The following TMEM237 variants were observed in gnomAD, a reference collection of about 807,000 sequenced individuals.
TMEM237 encodes amyotrophic lateral sclerosis 2 (juvenile) chromosome region, candidate 4.
TMEM237 carries 51 observed loss-of-function variants against 59.1 expected under a neutral mutation model. The observed-to-expected ratio is 0.86, with a 90% CI of 0.69 to 1.09. The LOEUF (loss-of-function observed/expected upper bound fraction) is 1.09, where lower values mean the gene tolerates loss of function less well. Ranked by LOEUF, TMEM237 falls within the 50% of genes least tolerant of loss-of-function variation. The pLI is 0.00. For synonymous variants in TMEM237, 140 were observed against 166.1 expected, an observed-to-expected ratio of 0.84 and a Z score of 1.21; for missense variants, 475 against 478.3, an observed-to-expected ratio of 0.99 and a Z score of 0.06.
In TMEM237 at chr2:201,642,762, G is replaced by T; in HGVS notation, c.42+597C>A. ...GCTAGTACCCCGCGCGCAGCGCCCTGCGGGGATGTTGCGGTGAGAGGCGTG... is the reference window on the plus strand; with the variant it reads ...GCTAGTACCCCGCGCGCAGCGCCCTTCGGGGATGTTGCGGTGAGAGGCGTG... On this transcript the variant is annotated intron_variant, in intron 1 of 12. Coordinates refer to ENST00000409883, the MANE Select transcript of TMEM237 (RefSeq NM_001044385.3). 3 of 1,445,912 alleles carry T rather than the reference G, an allele frequency of 2.1e-6. No homozygotes were observed. The South Asian group carries it at 4.5e-5, about 21-fold the overall frequency. The allele number at this position is 1,445,912 out of a possible 1,614,324, so 89.6% of individuals were successfully genotyped here. A position where few individuals can be genotyped will look rare whatever the true frequency, so the allele number is the denominator to read the frequency against.
At chr2:201,631,840 C>T (rs1957810575) in intron 7 of TMEM237, among the ~76,000 whole-genome samples, 1 of 152,170 alleles carries the variant, frequency 6.6e-6, no homozygotes, top group Admixed American at 6.6e-5. Context: ...TATAGATACA[C>T]CACAACTTAC....
rs1015701283 is a variant in TMEM237, at chr2:201,622,105, G to A, written c.*2150C>T. 2 of 152,020 alleles carry A rather than the reference G, an allele frequency of 1.3e-5. No homozygotes were observed. Among genetic ancestry groups the A allele is most frequent in the African/African-American group, 4.8e-5 (2 of 41,358 alleles). The allele number at this position is 152,020 out of a possible 1,614,324, so 9.4% of individuals were successfully genotyped here. ...GCTGCTCAGGTTTATATGCCTCCTG[G>A]GTCATTACGAGATCTGAAGTCTAAG... is the stretch of plus-strand genomic sequence containing the variant. On this transcript the variant is annotated 3_prime_UTR_variant, in exon 13 of 13. Transcript: ENST00000409883.
intron 1 of TMEM237, chr2:201,642,764 G>C: frequency 4.8e-6 from 7 of 1,443,814 alleles, no homozygotes; most frequent in Non-Finnish European, 6.3e-6. Context: ...AGCGCCCTGC[G>C]GGGATGTTGC....
chr2:201,631,984 G>T, intron 7 of TMEM237, 67 bp downstream of exon 7: 1 of 1,512,350 alleles, frequency 6.6e-7, no homozygotes, highest in Non-Finnish European at 9.0e-7. Flanking sequence ...CAGATTTCCA[G>T]AAGTATAAAG....
At chr2:201,629,132 T>C (rs1957785382) in intron 9 of TMEM237, 98 bp downstream of exon 9, 1 of 952,670 alleles carries the variant, frequency 1.0e-6, no homozygotes, top group Non-Finnish European at 1.4e-6. Context: ...ACATTGATAC[T>C]CTATAATTCT....
rs1687280361 is a variant in TMEM237, at chr2:201,635,442, C to T, written c.274+1306G>A. ...TTATGCCACCACAAGTCAAACAATG[C>T]CAAGGACTGTCAACAACCATAAGAA... On this transcript the variant is annotated intron_variant, in intron 5 of 12. Transcript: ENST00000409883. The surrounding 1 kb of genome is among the most constrained non-coding windows in gnomAD (Gnocchi z 4.5). Among the ~76,000 whole-genome samples, 1 of 152,176 alleles carries T rather than the reference C, an allele frequency of 6.6e-6. No homozygotes were observed. Among genetic ancestry groups the T allele is most frequent in the Non-Finnish European group, 1.5e-5 (1 of 68,038 alleles).
At chr2:201,625,601 G>A (rs531915673) in intron 12 of TMEM237, among the ~76,000 whole-genome samples, 12 of 152,250 alleles carry the variant, frequency 7.9e-5, no homozygotes, top group Admixed American at 3.3e-4. Context: ...GCCAATGAAC[G>A]GTTAAGAATT....
At chr2:201,634,262 T>C (rs1447220896) in intron 5 of TMEM237, 6 of 152,170 alleles carry the variant, frequency 3.9e-5, no homozygotes, top group African/African-American at 1.4e-4. Context: ...CTTCTTCTAA[T>C]CCACTAGCTA....
chr2:201,634,181 G>A (rs183334413), intron 5 of TMEM237, among the ~76,000 whole-genome samples: 1 of 152,202 alleles, frequency 6.6e-6, no homozygotes, highest in African/African-American at 2.4e-5. Flanking sequence ...AAGGATAGCA[G>A]TCTCAGGTCT....
rs180967878 is a variant in TMEM237 at position 201,641,373 on chromosome 2, T to A, written c.43-449A>T. 6.6e-5 allele frequency among the ~76,000 whole-genome samples: 10 copies of A among 152,292 alleles called. No homozygotes were observed. In the East Asian group the frequency reaches 1.9e-3, roughly 29 times the overall value. ...AGACTAGGATCTTCAAATCTCTTGA[T>A]AATCTTGTTCATCAGTGAAACCTGG... On this transcript the variant is annotated intron_variant, in intron 1 of 12. Transcript: ENST00000409883.
chr2:201,631,913 T>C (rs1957811251), intron 7 of TMEM237, 138 bp downstream of exon 7: 3 of 852,990 alleles, frequency 3.5e-6, no homozygotes, highest in East Asian at 2.5e-5. Context: ...TCATGAATCA[T>C]AGCATGATGA....
intron 11 of TMEM237, 36 bp downstream of exon 11, chr2:201,627,285 C>A (rs760256883): frequency 1.1e-5 from 16 of 1,423,474 alleles, no homozygotes; most frequent in Non-Finnish European, 1.6e-5. Flanking sequence ...GCTGTTATTG[C>A]CATTAACAAT....
chr2:201,633,440 A>G lies in TMEM237; in HGVS notation c.275-9T>C, dbSNP rs749658028. The stretch of plus-strand genomic sequence containing the variant: ...GGAGGAAGTCTCCAATTCTGAAAAC[A>G]AAATAAATTTAACTTTTCAAATAAC... On this transcript the variant is annotated splice_polypyrimidine_tract_variant and intron_variant, in intron 5 of 12. Coordinates refer to ENST00000409883, the MANE Select transcript of TMEM237 (RefSeq NM_001044385.3). The G allele has an allele frequency of 2.8e-5, 42 of 1,514,700 alleles. No individual in the cohort carries two copies. The South Asian group carries it at 5.6e-4, about 20-fold the overall frequency. The allele number at this position is 1,514,700 out of a possible 1,614,324, so 93.8% of individuals were successfully genotyped here. A position where few individuals can be genotyped will look rare whatever the true frequency, so the allele number is the denominator to read the frequency against.
chr2:201,636,413 T>C (rs928534833), intron 5 of TMEM237: 2 of 190,346 alleles, frequency 1.1e-5, no homozygotes, highest in Non-Finnish European at 2.1e-5. Context: ...TTCACTATAT[T>C]ATTGTTAGTA....
At chr2:201,639,079 G>A in intron 3 of TMEM237, 34 bp from the exon 4 acceptor site, 1 of 1,547,470 alleles carries the variant, frequency 6.5e-7, no homozygotes. Context: ...ACAGAAAAGG[G>A]TGCCTAAAAT....
At chr2:201,625,923 C>G in intron 12 of TMEM237, 103 bp downstream of exon 12, 2 of 1,158,400 alleles carry the variant, frequency 1.7e-6, no homozygotes, top group Non-Finnish European at 2.4e-6. Context: ...TTAAATGTGT[C>G]TTTGTTATTG....
At position 201,629,558 on chromosome 2, in the gene TMEM237, C is replaced by T. The variant is rs970006697; in HGVS notation, c.678-137G>A. 11 of 1,261,590 alleles carry T rather than the reference C, an allele frequency of 8.7e-6. No homozygotes were observed. In the Admixed American group the frequency reaches 2.6e-4, roughly 30 times the overall value. The allele number at this position is 1,261,590 out of a possible 1,614,324, so 78.1% of individuals were successfully genotyped here. A position where few individuals can be genotyped will look rare whatever the true frequency, so the allele number is the denominator to read the frequency against. ...AAAGCAAGCTCTTTCTTTTTAGTTA[C>T]ACTGATAGGTAGATCACTCAATTCC... On this transcript the variant is annotated intron_variant, in intron 8 of 12. Coordinates refer to ENST00000409883, the MANE Select transcript of TMEM237 (RefSeq NM_001044385.3).
chr2:201,637,012 A>C lies in TMEM237; in HGVS notation c.137-127T>G, dbSNP rs182129315. The C allele has an allele frequency of 7.6e-5, 70 of 915,606 alleles. No individual in the cohort carries two copies. In the African/African-American group the frequency reaches 9.8e-4, roughly 13 times the overall value. 56.7% of individuals were successfully genotyped at this position (915,606 alleles called of 1,614,324 possible). A position where few individuals can be genotyped will look rare whatever the true frequency, so the allele number is the denominator to read the frequency against. ...AACCCCATCTCTTTCAGAACTAATT[A>C]TCCCCCAAATCTTTCCTTCCTCCTC... On this transcript the variant is annotated intron_variant, in intron 4 of 12. Transcript: ENST00000409883.
In TMEM237 at chr2:201,643,448, G is replaced by T. The variant is rs764256069; in HGVS notation, c.-48C>A. On this transcript the variant is annotated 5_prime_UTR_variant, in exon 1 of 13. Coordinates refer to ENST00000409883, the MANE Select transcript of TMEM237 (RefSeq NM_001044385.3). This position sits in a 1 kb window ranked among gnomAD's most constrained non-coding sequence, Gnocchi z 4.3. ...CCCGGCGCAACCGCCGGCGGCCCGA[G>T]CCCAGCTCCCCGCGACGCAGCGGCC... 3 of 1,433,470 alleles carry T rather than the reference G, an allele frequency of 2.1e-6. No individual in the cohort carries two copies. Among genetic ancestry groups the T allele is most frequent in the Non-Finnish European group, 1.8e-6 (2 of 1,089,894 alleles). 88.8% of individuals were successfully genotyped at this position (1,433,470 alleles called of 1,614,324 possible).
Sources: allele counts gnomAD v4.1 joint callset (sites outside exome capture counted in the v4.1 genomes callset), GRCh38; gene constraint gnomAD v4.1.1; non-coding constraint Gnocchi (gnomAD v3.1); transcripts MANE v1.5; gene names NCBI Gene and HGNC (gene_info 2026-07-23, HGNC 2026-07-21).